The following HSP90AA1 variants were observed in gnomAD, a reference collection of about 807,000 sequenced individuals.
HSP90AA1 encodes the protein heat shock protein 90 alpha family class A member 1, also known as heat shock protein HSP 90-alpha.
In HSP90AA1, 18 loss-of-function variants were observed where a neutral mutation model predicts 73.3. The observed-to-expected ratio is 0.25, with a 90% CI of 0.17 to 0.36. The LOEUF is 0.36. Among genes scored for constraint, HSP90AA1 ranks in the 10% least tolerant of loss-of-function variants. The probability of loss-of-function intolerance (pLI) is 1.00; values close to 1 mark genes in which losing one functional copy is unlikely to be tolerated. For missense variants in HSP90AA1, 704 were observed against 874.2 expected, an observed-to-expected ratio of 0.81 and a Z score of 2.45; for synonymous variants, 477 against 296.9, an observed-to-expected ratio of 1.61 and a Z score of -6.24.
chr14:102,093,044 C>T (rs1311340248), intron 2 of HSP90AA1, among the ~76,000 whole-genome samples: 1 of 151,954 alleles, frequency 6.6e-6, no homozygotes, highest in Non-Finnish European at 1.5e-5. Context: ...CGCGCCCAGC[C>T]AACAGCTGTT....
chr14:102,126,626 G>C (rs1273669655), intron 1 of HSP90AA1, among the ~76,000 whole-genome samples: 1 of 151,910 alleles, frequency 6.6e-6, no homozygotes, highest in Non-Finnish European at 1.5e-5. Context: ...CCGGGTTCAC[G>C]CCATTCTCTT....
At chr14:102,089,981 C>T (rs982282053), upstream of HSP90AA1, among the ~76,000 whole-genome samples, 3 of 152,184 alleles carry the variant, frequency 2.0e-5, no homozygotes, top group African/African-American at 7.2e-5. Context: ...AGACCTGGCC[C>T]TATCTATTCC....
At chr14:102,106,411 A>G (rs2049568006) in intron 1 of HSP90AA1, among the ~76,000 whole-genome samples, 1 of 152,144 alleles carries the variant, frequency 6.6e-6, no homozygotes, top group South Asian at 2.1e-4. Flanking sequence ...CTGTCAGCTA[A>G]TATCAAGTAG....
chr14:102,115,328 C>T (rs569251514), intron 1 of HSP90AA1, among the ~76,000 whole-genome samples: 1 of 133,290 alleles, frequency 7.5e-6, no homozygotes, highest in South Asian at 2.4e-4. Flanking sequence ...CAAAACAACT[C>T]TGTGTTTTAC....
At chr14:102,139,397 G>C (rs756578586) in exon 1 of HSP90AA1, 6 of 1,566,776 alleles carry the variant, frequency 3.8e-6, no homozygotes, top group African/African-American at 1.3e-5. Context: ...GCCCGAACAC[G>C]GGGGCATCCG....
chr14:102,086,429 A>C (rs558359262), intron 1 of HSP90AA1, 51 bp from the exon 2 acceptor site: 1 of 1,592,850 alleles, frequency 6.3e-7, no homozygotes, highest in Admixed American at 1.7e-5. Flanking sequence ...CTACAGAGGC[A>C]ACACGAAATT....
chr14:102,096,360 T>G (rs550739349), intron 2 of HSP90AA1, among the ~76,000 whole-genome samples: 12 of 152,294 alleles, frequency 7.9e-5, no homozygotes, highest in Non-Finnish European at 1.6e-4. Context: ...CAGATCCTGC[T>G]AAGTGCACTC....
At chr14:102,111,540 A>C (rs1472899170) in intron 1 of HSP90AA1, among the ~76,000 whole-genome samples, 1 of 152,166 alleles carries the variant, frequency 6.6e-6, no homozygotes. Context: ...ACCCCTTCCA[A>C]ATGGGAGAAA....
chr14:102,104,652 A>C (rs989014713), intron 1 of HSP90AA1, among the ~76,000 whole-genome samples: 2 of 152,150 alleles, frequency 1.3e-5, no homozygotes, highest in Non-Finnish European at 2.9e-5. Flanking sequence ...ATAAATTATT[A>C]ACTGATTTCT....
At chr14:102,111,717 C>A (rs1020457913) in intron 1 of HSP90AA1, among the ~76,000 whole-genome samples, 2 of 152,184 alleles carry the variant, frequency 1.3e-5, no homozygotes, top group African/African-American at 4.8e-5. Context: ...ATTTTGAAGC[C>A]ATTTCTCAAT....
In HSP90AA1 at chr14:102,086,968, C is replaced by T. The variant is rs2049257416; in HGVS notation, c.-1+18G>A. On this transcript the variant is annotated intron_variant, in intron 1 of 10. Coordinates refer to ENST00000216281, the MANE Select transcript of HSP90AA1 (RefSeq NM_005348.4). ...GGTCCCCAGTCCACCTCCACAGGCC[C>T]CCACAACCACCCGTCACCTTGGCTA... The T allele has an allele frequency of 2.0e-6, 2 of 984,880 alleles. No homozygotes were observed. The highest frequency in any genetic ancestry group is 6.2e-5 in the Admixed American group (1 of 16,240). The allele number at this position is 984,880 out of a possible 1,614,324, so 61.0% of individuals were successfully genotyped here. A position where few individuals can be genotyped will look rare whatever the true frequency, so the allele number is the denominator to read the frequency against.
At chr14:102,121,622 T>C (rs2049779652) in intron 1 of HSP90AA1, among the ~76,000 whole-genome samples, 1 of 152,252 alleles carries the variant, frequency 6.6e-6, no homozygotes, top group East Asian at 1.9e-4. Context: ...GCTAACACTA[T>C]TATCAATTTT....
intron 7 of HSP90AA1, 26 bp downstream of exon 7, chr14:102,083,767 G>C (rs778061312): frequency 5.0e-5 from 79 of 1,593,406 alleles, no homozygotes; most frequent in Admixed American, 2.2e-4. Flanking sequence ...AGGCCAATTG[G>C]AAAACTAATG....
chr14:102,120,161 C>T (rs1595676747), intron 1 of HSP90AA1, among the ~76,000 whole-genome samples: 1 of 151,994 alleles, frequency 6.6e-6, no homozygotes, highest in Non-Finnish European at 1.5e-5. Context: ...CCCAGGAGTT[C>T]GAGACCAGCC....
chr14:102,139,259 A>C (rs1281604032), exon 1 of HSP90AA1: 1 of 1,613,998 alleles, frequency 6.2e-7, no homozygotes, highest in Non-Finnish European at 8.5e-7. Flanking sequence ...CCTTCTCAGA[A>C]ACGGCGGCGA....
At chr14:102,089,915 C>T (rs1305098479), upstream of HSP90AA1, among the ~76,000 whole-genome samples, 1 of 152,210 alleles carries the variant, frequency 6.6e-6, no homozygotes, top group Non-Finnish European at 1.5e-5. Context: ...CTAACTGCTC[C>T]CTGCATATGG....
chr14:102,110,593 T>G (rs1566730978), intron 1 of HSP90AA1, among the ~76,000 whole-genome samples: 1 of 150,104 alleles, frequency 6.7e-6, no homozygotes. Flanking sequence ...ATAATTTTTT[T>G]TTTTTTGAGA....
At chr14:102,133,416 T>G (rs2049933785) in intron 1 of HSP90AA1, among the ~76,000 whole-genome samples, 1 of 152,052 alleles carries the variant, frequency 6.6e-6, no homozygotes, top group African/African-American at 2.4e-5. Context: ...GGGTCCTGAG[T>G]TGAGAATCTT....
Position 102,085,891 on chromosome 14 carries a change from G to C in HSP90AA1, c.396C>G (p.Gly132=). ...LQAGADISMI[G]QFGVGFYSAY... ...CAGAATAAAAACCAACACCGAACTGGCCAATCATAGAGATATCTGCACCAG... is the reference window on the plus strand; with the variant it reads ...CAGAATAAAAACCAACACCGAACTGCCCAATCATAGAGATATCTGCACCAG... The change falls in exon 3 of 11, where the codon GGC becomes GGG. Residue 132 remains glycine, a synonymous_variant. Coordinates refer to ENST00000216281, the MANE Select transcript of HSP90AA1 (RefSeq NM_005348.4). 6.2e-7 allele frequency: 1 copy of C among 1,613,906 alleles called. No homozygotes were observed. The highest frequency in any genetic ancestry group is 1.1e-5 in the South Asian group (1 of 91,066).
Sources: gnomAD v4.1 joint callset for allele counts (sites outside exome capture counted in the v4.1 genomes callset) on GRCh38, gnomAD v4.1.1 for gene constraint, MANE v1.5 for transcripts, NCBI Gene and HGNC (gene_info 2026-07-23, HGNC 2026-07-21) for gene names.